Variants in SPAG17 observed in about 807,000 individuals in gnomAD.
The protein encoded by SPAG17 is sperm-associated antigen 17.
Under a neutral mutation model 273.6 loss-of-function variants are expected in SPAG17, and 169 were observed. The ratio of observed to expected loss-of-function variants is 0.62; its 90% CI spans 0.55 to 0.70. SPAG17 has a LOEUF of 0.70. SPAG17 is among the 30% of genes least tolerant of loss of function. SPAG17 has a pLI of 0.00. For synonymous variants in SPAG17, 825 were observed against 873.2 expected, an observed-to-expected ratio of 0.94 and a Z score of 0.97; for missense variants, 2,557 against 2,627.8, an observed-to-expected ratio of 0.97 and a Z score of 0.59.
At chr1:118,147,831 G>T (rs944887742) in intron 3 of SPAG17, among the ~76,000 whole-genome samples, 16 of 152,236 alleles carry the variant, frequency 1.1e-4, no homozygotes, top group Admixed American at 7.8e-4. Flanking sequence ...TATGCAATGT[G>T]GCTCTGACAC....
chr1:118,114,145 C>T (rs1222696755), intron 4 of SPAG17, among the ~76,000 whole-genome samples: 1 of 152,040 alleles, frequency 6.6e-6, no homozygotes, highest in Non-Finnish European at 1.5e-5. Context: ...TTCAAATTTT[C>T]CAATTTTTCT....
chr1:118,038,819 A>G (rs1649387830), intron 23 of SPAG17, among the ~76,000 whole-genome samples: 1 of 152,120 alleles, frequency 6.6e-6, no homozygotes. Flanking sequence ...CAGTGAAACT[A>G]CTCTGTATGA....
chr1:117,985,325 A>C lies in SPAG17; in HGVS notation c.5670-543T>G, dbSNP rs1388310022. On this transcript the variant is annotated intron_variant, in intron 40 of 48. Transcript: ENST00000336338. ...GGGGAGACATTATATAGGGAAAGCC[A>C]ATGAGATGTAAACTTAAGTCATTGG... is the stretch of plus-strand genomic sequence containing the variant. 3.9e-5 allele frequency among the ~76,000 whole-genome samples: 6 copies of C among 152,362 alleles called. No homozygotes were observed. In the East Asian group the frequency reaches 1.2e-3, roughly 29 times the overall value.
chr1:118,172,605 T>C (rs1168597334), intron 1 of SPAG17, among the ~76,000 whole-genome samples: 3 of 152,156 alleles, frequency 2.0e-5, no homozygotes, highest in Non-Finnish European at 4.4e-5. Context: ...AAAACTCCAA[T>C]CTAAACTCTA....
chr1:117,959,883 T>C (rs1457086096), intron 48 of SPAG17: 1 of 153,110 alleles, frequency 6.5e-6, no homozygotes, highest in Non-Finnish European at 1.5e-5. Context: ...GCATAATTGA[T>C]TGCCCTTTGG....
chr1:118,137,152 G>C (rs1227104780), intron 3 of SPAG17, among the ~76,000 whole-genome samples: 1 of 152,122 alleles, frequency 6.6e-6, no homozygotes, highest in Admixed American at 6.5e-5. Flanking sequence ...AAAAGATGTA[G>C]GTCTTGGCAG....
intron 32 of SPAG17, among the ~76,000 whole-genome samples, chr1:117,997,798 T>C (rs1657821632): frequency 1.3e-5 from 2 of 152,224 alleles, no homozygotes; most frequent in East Asian, 1.9e-4. Flanking sequence ...ACATTGAAAT[T>C]TGTATTTCCT....
intron 20 of SPAG17, among the ~76,000 whole-genome samples, chr1:118,043,366 T>C (rs1649993434): frequency 6.6e-6 from 1 of 152,206 alleles, no homozygotes; most frequent in Admixed American, 6.5e-5. Context: ...AAAGAGATTA[T>C]TGTTAAATTT....
chr1:118,170,543 C>A (rs1660373797), intron 1 of SPAG17, among the ~76,000 whole-genome samples: 1 of 152,004 alleles, frequency 6.6e-6, no homozygotes, highest in African/African-American at 2.4e-5. Context: ...AGAGATAAGT[C>A]ATCTATTGAA....
chr1:117,955,361 G>T (rs1652032746), intron 48 of SPAG17: 1 of 1,612,040 alleles, frequency 6.2e-7, no homozygotes, highest in Non-Finnish European at 8.5e-7. Context: ...AAGTCGAGGT[G>T]AGTGAGTCCT....
chr1:118,092,050 A>T, intron 8 of SPAG17, 48 bp from the exon 9 acceptor site: 2 of 1,500,972 alleles, frequency 1.3e-6, no homozygotes, highest in African/African-American at 2.7e-5. Context: ...CCCAGCTGAG[A>T]GATGCCCTCA....
chr1:117,973,323 A>G, intron 44 of SPAG17, 102 bp downstream of exon 44: 1 of 1,432,084 alleles, frequency 7.0e-7, no homozygotes, highest in Non-Finnish European at 9.5e-7. Flanking sequence ...AATCAGAATT[A>G]CATAAAATCT....
At chr1:118,017,899 C>G (rs1434168599) in intron 28 of SPAG17, among the ~76,000 whole-genome samples, 1 of 152,080 alleles carries the variant, frequency 6.6e-6, no homozygotes, top group Non-Finnish European at 1.5e-5. Context: ...AGGAAGGAAA[C>G]AAGCAGGGTT....
chr1:118,171,749 G>A (rs985678037), intron 1 of SPAG17, among the ~76,000 whole-genome samples: 1 of 152,108 alleles, frequency 6.6e-6, no homozygotes, highest in Non-Finnish European at 1.5e-5. Flanking sequence ...TCATAGCACT[G>A]CTGTAGAGAG....
intron 22 of SPAG17, 122 bp from the exon 23 acceptor site, chr1:118,039,566 G>A: frequency 1.0e-6 from 1 of 960,388 alleles, no homozygotes; most frequent in South Asian, 1.5e-5. Flanking sequence ...AACACTGCAT[G>A]TTCTCACTTA....
At chr1:118,183,359 G>A (rs1468461188) in intron 1 of SPAG17, among the ~76,000 whole-genome samples, 1 of 152,220 alleles carries the variant, frequency 6.6e-6, no homozygotes, top group Non-Finnish European at 1.5e-5. Flanking sequence ...GTTAGGGCAC[G>A]CCTCTGGGCA....
At chr1:118,022,575 T>C (rs1647233211) in intron 28 of SPAG17, among the ~76,000 whole-genome samples, 1 of 152,158 alleles carries the variant, frequency 6.6e-6, no homozygotes, top group Admixed American at 6.6e-5. Flanking sequence ...TATGAGGAAG[T>C]AGACATTTTC....
Position 118,115,361 on chromosome 1 carries a change from T to G in SPAG17, c.396A>C (p.Gln132His), listed in dbSNP as rs1204113863. ...GGTCCTTAAATTTAATCTGGAGAAG[T>G]TGAAATTTCAAGAGTTTCCCTATCA... ...LPLIGKLLKF[Q>H]LLQIKFKDQQ... The change falls in exon 4 of 49, where the codon CAA (glutamine) becomes CAC (histidine). Residue 132 changes from glutamine to histidine, a missense_variant. Gln to His is a conservative substitution (Grantham distance 24, BLOSUM62 0). Transcript: ENST00000336338. 1 of 1,613,644 alleles carries G rather than the reference T, an allele frequency of 6.2e-7. No homozygotes were observed. Among genetic ancestry groups the G allele is most frequent in the Non-Finnish European group, 8.5e-7 (1 of 1,179,692 alleles).
chr1:118,062,748 G>A (rs1017302427), intron 18 of SPAG17, among the ~76,000 whole-genome samples: 3 of 152,026 alleles, frequency 2.0e-5, no homozygotes, highest in African/African-American at 7.2e-5. Flanking sequence ...CCAAAAGATT[G>A]TGGAAGATTT....
Sources: allele counts gnomAD v4.1 joint callset (sites outside exome capture counted in the v4.1 genomes callset), GRCh38; gene constraint gnomAD v4.1.1; transcripts MANE v1.5; gene names NCBI Gene and HGNC (gene_info 2026-07-23, HGNC 2026-07-21).